The following ESRRB variants were observed in gnomAD, a reference collection of about 807,000 sequenced individuals.
ESRRB encodes steroid hormone receptor ERR2.
A neutral mutation model predicts 46.0 loss-of-function variants in ESRRB; 16 were observed. The observed-to-expected ratio is 0.35, with a 90% CI of 0.24 to 0.53. The LOEUF is 0.53. ESRRB is among the 20% of genes least tolerant of loss of function. The probability of loss-of-function intolerance (pLI) is 0.93; values close to 1 mark genes in which losing one functional copy is unlikely to be tolerated. For missense variants in ESRRB, 488 were observed against 607.4 expected (o/e 0.80, Z 2.07); for synonymous variants, 246 against 259.6 (o/e 0.95, Z 0.50).
At position 76,376,580 on chromosome 14, in the gene ESRRB, A is replaced by G. The variant is rs1251813905; in HGVS notation, c.50+129A>G. On this transcript the variant is annotated intron_variant, in intron 1 of 6. Coordinates refer to ENST00000644823, the MANE Select transcript of ESRRB (RefSeq NM_001379180.1). This position sits in a 1 kb window ranked among gnomAD's most constrained non-coding sequence, Gnocchi z 4.1. Reference sequence around the variant, plus strand: ...GGGACTTCGGGGGGGCACTTGGGGGACGAAGGAGGGGAAAAGCCGCACACT... The same window carrying G: ...GGGACTTCGGGGGGGCACTTGGGGGGCGAAGGAGGGGAAAAGCCGCACACT... 8.5e-6 allele frequency: 5 copies of G among 591,272 alleles called. No individual in the cohort carries two copies. Among genetic ancestry groups the G allele is most frequent in the Non-Finnish European group, 1.2e-5 (5 of 403,362 alleles). 36.6% of individuals were successfully genotyped at this position (591,272 alleles called of 1,614,324 possible).
chr14:76,438,712 A>G (rs1887778696), intron 1 of ESRRB, among the ~76,000 whole-genome samples: 1 of 152,064 alleles, frequency 6.6e-6, no homozygotes, highest in Non-Finnish European at 1.5e-5. Context: ...TTATGCAGGA[A>G]GGTTGGCCAA....
In ESRRB at chr14:76,498,392, C is replaced by G; in HGVS notation, c.1299C>G (p.Ser433Arg). 1 of 1,613,460 alleles carries G rather than the reference C, an allele frequency of 6.2e-7. No individual in the cohort carries two copies. The highest frequency in any genetic ancestry group is 8.5e-7 in the Non-Finnish European group (1 of 1,179,942). Residue 433 changes from serine to arginine, a missense_variant, in exon 7 of 7, where the codon AGC (serine) becomes AGG (arginine). Transcript: ENST00000644823. Reference sequence around the variant, plus strand: ...CCAAGGCCGTGCAGCACTTCTATAGCGTCAAACTGCAGGGCAAAGTGCCCA... The same window carrying G: ...CCAAGGCCGTGCAGCACTTCTATAGGGTCAAACTGCAGGGCAAAGTGCCCA... ...TAAKAVQHFY[S>R]VKLQGKVPMH...
chr14:76,324,305 G>A (rs1883902150), intron 1 of ESRRB, among the ~76,000 whole-genome samples: 1 of 152,194 alleles, frequency 6.6e-6, no homozygotes, highest in African/African-American at 2.4e-5. Flanking sequence ...AGCTGCCCCG[G>A]CAGGGAGGGA....
intron 1 of ESRRB, among the ~76,000 whole-genome samples, chr14:76,415,978 CT>C (rs1886681175): frequency 6.6e-6 from 1 of 152,146 alleles, no homozygotes; most frequent in Non-Finnish European, 1.5e-5. Context: ...ACCTTATCCT[CT>C]TTACACAGTT....
Position 76,342,163 on chromosome 14 carries a change from C to A in ESRRB, c.2+31247C>A, listed in dbSNP as rs1884199186. Among the ~76,000 whole-genome samples the A allele has an allele frequency of 2.0e-5, 3 of 152,188 alleles. No homozygotes were observed. In the East Asian group the frequency reaches 5.8e-4, roughly 29 times the overall value. On this transcript the variant is annotated intron_variant, in intron 1 of 6. Coordinates refer to the ESRRB transcript ENST00000512784. ...TGGGGCAACGGGGCTAACACACAGG[C>A]CCTATTAGAGAATAACAAAGGGCCC...
chr14:76,317,525 G>T (rs1173526323), intron 1 of ESRRB, among the ~76,000 whole-genome samples: 2 of 152,064 alleles, frequency 1.3e-5, no homozygotes, highest in Admixed American at 6.5e-5. Context: ...CACAATGAAG[G>T]GTGCCTAGGG....
intron 1 of ESRRB, among the ~76,000 whole-genome samples, chr14:76,399,885 G>A (rs1341369442): frequency 6.6e-6 from 1 of 152,208 alleles, no homozygotes; most frequent in Non-Finnish European, 1.5e-5. Context: ...CCGTTTCAAG[G>A]AGCAAACTCG....
At chr14:76,461,529 GAC>G (rs1219103714) in intron 2 of ESRRB, among the ~76,000 whole-genome samples, 1 of 144,856 alleles carries the variant, frequency 6.9e-6, no homozygotes, top group Non-Finnish European at 1.5e-5. Context: ...TTTTGTTTGA[GAC>G]AGAGTCTCGG....
upstream of ESRRB, among the ~76,000 whole-genome samples, chr14:76,373,181 G>A (rs1358772222): frequency 6.6e-6 from 1 of 152,178 alleles, no homozygotes; most frequent in Non-Finnish European, 1.5e-5. Context: ...CTACCTGGGG[G>A]TACTAGTACT....
At chr14:76,411,480 G>T (rs1341574126) in intron 1 of ESRRB, among the ~76,000 whole-genome samples, 1 of 152,114 alleles carries the variant, frequency 6.6e-6, no homozygotes, top group Non-Finnish European at 1.5e-5. Context: ...ACTTGCAAGG[G>T]CATCTTTACT....
chr14:76,387,520 T>G (rs140309880), intron 1 of ESRRB, among the ~76,000 whole-genome samples: 89 of 152,296 alleles, frequency 5.8e-4, no homozygotes, highest in African/African-American at 2.0e-3. Context: ...CGAGCCCTGC[T>G]CCATGCAATT....
At chr14:76,413,912 C>G (rs1475016692) in intron 1 of ESRRB, among the ~76,000 whole-genome samples, 4 of 107,920 alleles carry the variant, frequency 3.7e-5, no homozygotes, top group Non-Finnish European at 7.8e-5. Flanking sequence ...GCCCCTGCAC[C>G]GTCTCCCGCC....
chr14:76,374,747 A>G (rs1246593765), upstream of ESRRB, among the ~76,000 whole-genome samples: 2 of 152,166 alleles, frequency 1.3e-5, no homozygotes, highest in Non-Finnish European at 2.9e-5. Context: ...CTGGGGGGCT[A>G]CTGACAGAGG....
intron 2 of ESRRB, among the ~76,000 whole-genome samples, chr14:76,444,810 G>A (rs1027426119): frequency 6.6e-6 from 1 of 152,060 alleles, no homozygotes; most frequent in Non-Finnish European, 1.5e-5. Context: ...CTATTGTGTG[G>A]ACAGAGGGCT....
chr14:76,420,843 C>G (rs1046733412), intron 1 of ESRRB, among the ~76,000 whole-genome samples: 1 of 152,172 alleles, frequency 6.6e-6, no homozygotes, highest in Non-Finnish European at 1.5e-5. Flanking sequence ...TCAGAGCTTG[C>G]AGACCACCCT....
chr14:76,330,943 AC>A lies in ESRRB; in HGVS notation c.2+20031del, dbSNP rs1955966546. On this transcript the variant is annotated intron_variant, in intron 1 of 6. Transcript: ENST00000512784. ...TACCCCCAAATCAATAGCAGTAGCA[AC>A]CCCTGCTAGACAGCCTGCAGATGGC... 3.9e-5 allele frequency among the ~76,000 whole-genome samples: 6 copies of A among 152,120 alleles called. No homozygotes were observed. In the South Asian group the frequency reaches 1.2e-3, roughly 32 times the overall value.
intron 1 of ESRRB, among the ~76,000 whole-genome samples, chr14:76,315,358 C>T (rs1038874647): frequency 4.6e-5 from 7 of 152,146 alleles, no homozygotes; most frequent in African/African-American, 1.4e-4. Flanking sequence ...CCTGCCTCAT[C>T]GTTGATAATT....
intron 3 of ESRRB, chr14:76,463,215 G>T: frequency 5.2e-6 from 1 of 193,958 alleles, no homozygotes; most frequent in Non-Finnish European, 1.1e-5. Flanking sequence ...CTCTAGAGCT[G>T]TGCTGTCTAA....
rs750186018 is a variant in ESRRB at position 76,482,657 on chromosome 14, C to A, written c.748C>A (p.Pro250Thr). Residue 250 changes from proline (P) to threonine (T), a missense_variant, in exon 5 of 7, where the codon CCC becomes ACC. Physicochemically the swap from Pro to Thr is conservative, Grantham distance 38 (BLOSUM62 -1). Coordinates refer to ENST00000644823, the MANE Select transcript of ESRRB (RefSeq NM_001379180.1). The surrounding 1 kb of genome is among the most constrained non-coding windows in gnomAD (Gnocchi z 4.3). Reference protein sequence around the residue: ...AEPDKLYAMPPPGMPEGDIKA... With the variant: ...AEPDKLYAMPTPGMPEGDIKA... The stretch of plus-strand genomic sequence containing the variant: ...GCCGGACAAGCTCTATGCCATGCCT[C>A]CCCCTGGTATGCCTGAGGGGGACAT... 6.2e-7 allele frequency: 1 copy of A among 1,614,154 alleles called. No homozygotes were observed. The highest frequency in any genetic ancestry group is 1.7e-5 in the Admixed American group (1 of 60,028).
Sources: gnomAD v4.1 joint callset for allele counts (sites outside exome capture counted in the v4.1 genomes callset) on GRCh38, gnomAD v4.1.1 for gene constraint, Gnocchi (gnomAD v3.1) non-coding constraint, MANE v1.5 for transcripts, NCBI Gene and HGNC (gene_info 2026-07-23, HGNC 2026-07-21) for gene names.